The following CHD7 variants were observed in gnomAD, a reference collection of about 807,000 sequenced individuals.
The protein encoded by CHD7 is chromodomain helicase DNA binding protein 7, also known as ATP-dependent chromatin remodeler CHD7.
CHD7 carries 24 observed loss-of-function variants against 307.3 expected under a neutral mutation model. The observed-to-expected ratio is 0.08, with a 90% CI of 0.06 to 0.11. The LOEUF is 0.11. Ranked by LOEUF, CHD7 falls within the 10% of genes least tolerant of loss-of-function variation. CHD7 has a pLI of 1.00. For synonymous variants in CHD7, 1,363 were observed against 1,349.9 expected (o/e 1.01, Z -0.21); for missense variants, 3,106 against 3,727.1 (o/e 0.83, Z 4.34).
At chr8:60,760,825 A>G (rs1810157439) in intron 2 of CHD7, among the ~76,000 whole-genome samples, 1 of 152,104 alleles carries the variant, frequency 6.6e-6, no homozygotes, top group African/African-American at 2.4e-5. Context: ...AATGGCAATC[A>G]TTAAAAAGTC....
At chr8:60,832,375 G>T (rs1804557251) in intron 15 of CHD7, among the ~76,000 whole-genome samples, 2 of 152,042 alleles carry the variant, frequency 1.3e-5, no homozygotes, top group South Asian at 4.1e-4. Flanking sequence ...AGAGTATCAT[G>T]TGTGATGATT....
intron 2 of CHD7, among the ~76,000 whole-genome samples, chr8:60,761,448 T>A (rs1810201623): frequency 6.6e-6 from 1 of 151,958 alleles, no homozygotes. Context: ...CATATGTAAC[T>A]AACCTGCACA....
chr8:60,792,042 T>C (rs1158912886), intron 3 of CHD7, among the ~76,000 whole-genome samples: 1 of 152,172 alleles, frequency 6.6e-6, no homozygotes, highest in African/African-American at 2.4e-5. Flanking sequence ...TTAAACCTCA[T>C]AATAAATCTT....
At chr8:60,823,522 C>G (rs1324606720) in intron 12 of CHD7, among the ~76,000 whole-genome samples, 1 of 152,054 alleles carries the variant, frequency 6.6e-6, no homozygotes, top group Non-Finnish European at 1.5e-5. Flanking sequence ...CTGTGTTTAT[C>G]TTTAGATTTG....
intron 21 of CHD7, among the ~76,000 whole-genome samples, chr8:60,843,092 T>C (rs1805045934): frequency 6.6e-6 from 1 of 152,236 alleles, no homozygotes; most frequent in Non-Finnish European, 1.5e-5. Flanking sequence ...CATCATGTTG[T>C]TTACAATTTT....
intron 2 of CHD7, among the ~76,000 whole-genome samples, chr8:60,744,663 G>T (rs554223013): frequency 2.5e-3 from 383 of 151,762 alleles, no homozygotes; most frequent in Non-Finnish European, 3.0e-3. Context: ...TGCCAAACTG[G>T]CCAACATGGT....
rs76066600 is a variant in CHD7, at chr8:60,734,534, A to G, written c.-174-6725A>G. On this transcript the variant is annotated intron_variant, in intron 1 of 37. Transcript: ENST00000423902. ...GAAGAGGGAGGGTTGAGGGTCAGGA[A>G]GCTTCCGAAGATGGGTGATAACAAA... 4.8e-3 allele frequency among the ~76,000 whole-genome samples: 724 copies of G among 152,294 alleles called. 2 individuals carry two copies. Among genetic ancestry groups the G allele is most frequent in the African/African-American group, 0.016 (682 of 41,558 alleles).
At chr8:60,722,343 A>G (rs1240617872) in intron 1 of CHD7, among the ~76,000 whole-genome samples, 1 of 152,174 alleles carries the variant, frequency 6.6e-6, no homozygotes, top group East Asian at 1.9e-4. Context: ...TTTCATATCC[A>G]GGGTATTGTA....
chr8:60,776,641 G>A, intron 2 of CHD7, among the ~76,000 whole-genome samples: 1 of 152,108 alleles, frequency 6.6e-6, no homozygotes, highest in East Asian at 1.9e-4. Flanking sequence ...TCAAATATTT[G>A]TTGAATAAAT....
rs1476348525 is a variant in CHD7, at chr8:60,780,994, T to C, written c.1666-6T>C. 2.6e-6 allele frequency: 4 copies of C among 1,539,038 alleles called. No individual in the cohort carries two copies. Among genetic ancestry groups the C allele is most frequent in the Non-Finnish European group, 3.5e-6 (4 of 1,149,072 alleles). On this transcript the variant is annotated splice_region_variant and splice_polypyrimidine_tract_variant and intron_variant, in intron 2 of 37. Transcript: ENST00000423902. ...ACTAATTTCAATTCCTATTTGTGTC[T>C]CTCAGCATTCCCCGTCGGAGCCCTT...
intron 1 of CHD7, among the ~76,000 whole-genome samples, chr8:60,710,430 A>G (rs938630896): frequency 1.3e-5 from 2 of 152,182 alleles, no homozygotes; most frequent in African/African-American, 2.4e-5. Context: ...ACTGTGGAAG[A>G]TGGACATCTT....
Position 60,775,818 on chromosome 8 carries a change from C to T in CHD7, c.1666-5182C>T, listed in dbSNP as rs930879737. On this transcript the variant is annotated intron_variant, in intron 2 of 37. Transcript: ENST00000423902. Reference sequence around the variant, plus strand: ...TGTTGCCTAGGCTGGAGTACAGTGGCGTGATCTCGGCTCACCGCAACCTCC... The same window carrying T: ...TGTTGCCTAGGCTGGAGTACAGTGGTGTGATCTCGGCTCACCGCAACCTCC... Among the ~76,000 whole-genome samples, 6 of 152,164 alleles carry T rather than the reference C, an allele frequency of 3.9e-5. No individual in the cohort carries two copies. The East Asian group carries it at 5.8e-4, about 15-fold the overall frequency.
chr8:60,832,883 G>A lies in CHD7; in HGVS notation c.3778+2306G>A, dbSNP rs141122222. 6.4e-3 allele frequency among the ~76,000 whole-genome samples: 979 copies of A among 152,316 alleles called. 13 individuals carry two copies. Among genetic ancestry groups the A allele is most frequent in the South Asian group, 0.029 (138 of 4,818 alleles). On this transcript the variant is annotated intron_variant, in intron 15 of 37. Coordinates refer to ENST00000423902, the MANE Select transcript of CHD7 (RefSeq NM_017780.4). ...GACTCCCTAAGGCTTGGCAGATGTG[G>A]CAGTTGTCCTAATTGGTCACACCTT... is the stretch of plus-strand genomic sequence containing the variant.
rs1388747580 is a variant in CHD7, at chr8:60,853,489, C to A, written c.6764C>A (p.Ser2255Tyr). Residue 2255 changes from serine (S) to tyrosine (Y), a missense_variant, in exon 31 of 38, where the codon TCC becomes TAC. Physicochemically the swap from Ser to Tyr is moderately radical, Grantham distance 144. Transcript: ENST00000423902. The part of the protein sequence containing the change: ...LEDDDKSEES[S>Y]QPEAGAVSRG... ...GATGACGATAAGTCGGAAGAGTCTTCCCAGCCCGAAGGTAAGGCCTTACCA... is the reference window on the plus strand; with the variant it reads ...GATGACGATAAGTCGGAAGAGTCTTACCAGCCCGAAGGTAAGGCCTTACCA... The A allele has an allele frequency of 6.6e-7, 1 of 1,512,808 alleles. No homozygotes were observed. Among genetic ancestry groups the A allele is most frequent in the East Asian group, 2.3e-5 (1 of 44,006 alleles). The allele number at this position is 1,512,808 out of a possible 1,614,324, so 93.7% of individuals were successfully genotyped here.
At position 60,844,939 on chromosome 8, in the gene CHD7, C is replaced by T. The variant is rs1186008295; in HGVS notation, c.4926C>T (p.Ile1642=). 3 of 1,613,794 alleles carry T rather than the reference C, an allele frequency of 1.9e-6. No individual in the cohort carries two copies. Among genetic ancestry groups the T allele is most frequent in the African/African-American group, 2.7e-5 (2 of 74,914 alleles). Residue 1642 remains isoleucine (I), a synonymous_variant, in exon 22 of 38, where the codon ATC becomes ATT. Transcript: ENST00000423902. ...RQLTEQDVET[I]CRTILVYCLN... ...TCACTGAGCAAGATGTAGAAACCAT[C>T]TGCAGAACCATCCTGGTGTACTGTC...
chr8:60,745,353 G>A (rs544622010), intron 2 of CHD7, among the ~76,000 whole-genome samples: 30 of 152,260 alleles, frequency 2.0e-4, no homozygotes, highest in African/African-American at 6.3e-4. Flanking sequence ...GATGAGAATT[G>A]TTGCTCTCCT....
At chr8:60,769,697 G>A (rs959215981) in intron 2 of CHD7, among the ~76,000 whole-genome samples, 30 of 152,184 alleles carry the variant, frequency 2.0e-4, no homozygotes, top group African/African-American at 6.0e-4. Context: ...TTGACGGAAC[G>A]ATGGTGAATT....
chr8:60,698,766 ACTTTT>A (rs1218307634), intron 1 of CHD7, among the ~76,000 whole-genome samples: 5 of 152,102 alleles, frequency 3.3e-5, no homozygotes, highest in African/African-American at 4.8e-5. Context: ...GTATGACTTG[ACTTTT>A]CTTCTCTTCT....
At chr8:60,725,449 G>A (rs1188394750) in intron 1 of CHD7, among the ~76,000 whole-genome samples, 1 of 152,110 alleles carries the variant, frequency 6.6e-6, no homozygotes, top group Non-Finnish European at 1.5e-5. Context: ...ATATTGCTAA[G>A]CATATTTTTT....
Sources: gnomAD v4.1 joint callset for allele counts (sites outside exome capture counted in the v4.1 genomes callset) on GRCh38, gnomAD v4.1.1 for gene constraint, MANE v1.5 for transcripts, NCBI Gene and HGNC (gene_info 2026-07-23, HGNC 2026-07-21) for gene names.